Variants in PCDH7 observed in about 807,000 individuals in gnomAD.
PCDH7 encodes protocadherin-7.
A neutral mutation model predicts 58.9 loss-of-function variants in PCDH7; 17 were observed. The ratio of observed to expected loss-of-function variants is 0.29; its 90% CI spans 0.20 to 0.43. PCDH7 has a LOEUF of 0.43. PCDH7 is among the 20% of genes least tolerant of loss of function. PCDH7 has a pLI of 1.00. For missense variants in PCDH7, 1,274 were observed against 1,441.0 expected (o/e 0.88, Z 1.88); for synonymous variants, 664 against 616.4 (o/e 1.08, Z -1.14).
At chr4:30,824,380 G>A (rs1728842938) in intron 1 of PCDH7, among the ~76,000 whole-genome samples, 1 of 151,864 alleles carries the variant, frequency 6.6e-6, no homozygotes, top group African/African-American at 2.4e-5. Context: ...ATATTTCACG[G>A]AGAGATATCA....
chr4:30,997,862 A>G (rs1408068364), intron 3 of PCDH7, among the ~76,000 whole-genome samples: 1 of 152,156 alleles, frequency 6.6e-6, no homozygotes, highest in African/African-American at 2.4e-5. Flanking sequence ...GCAGAAGGAA[A>G]TAATCATAAA....
Position 30,885,574 on chromosome 4 carries a change from C to T in PCDH7, c.71-34579C>T, listed in dbSNP as rs182916586. 1.4e-4 allele frequency among the ~76,000 whole-genome samples: 21 copies of T among 152,132 alleles called. 1 individual carries two copies. Among genetic ancestry groups the T allele is most frequent in the African/African-American group, 5.1e-4 (21 of 41,500 alleles). On this transcript the variant is annotated intron_variant, in intron 1 of 3. Coordinates refer to the PCDH7 transcript ENST00000509759. ...CAGTTTAAAAGCTCTGCAATGCCATCCCCATCAAGCTACCAATGACTTTCT... is the reference window on the plus strand; with the variant it reads ...CAGTTTAAAAGCTCTGCAATGCCATTCCCATCAAGCTACCAATGACTTTCT...
intron 3 of PCDH7, among the ~76,000 whole-genome samples, chr4:31,056,502 AAAGAAAGAAAGAAAGGGGAAG>A (rs1560608831): frequency 1.8e-4 from 24 of 130,644 alleles, no homozygotes; most frequent in East Asian, 8.0e-4. Context: ...AGAAAGAAAG[AAAGAAAGAAAGAAAGGGGAAG>A]GGAAGGGAAG....
chr4:31,071,469 G>T (rs193025614), intron 3 of PCDH7, among the ~76,000 whole-genome samples: 2 of 152,068 alleles, frequency 1.3e-5, no homozygotes, highest in Non-Finnish European at 2.9e-5. Flanking sequence ...ACTGAATAAC[G>T]TTGAACATAT....
chr4:31,054,311 C>A (rs1338602420), intron 3 of PCDH7, among the ~76,000 whole-genome samples: 1 of 152,146 alleles, frequency 6.6e-6, no homozygotes, highest in African/African-American at 2.4e-5. Flanking sequence ...TTCTTGGGAA[C>A]AACATGTGAA....
chr4:30,935,569 A>G (rs1223190309), intron 2 of PCDH7, among the ~76,000 whole-genome samples: 1 of 152,162 alleles, frequency 6.6e-6, no homozygotes, highest in Admixed American at 6.5e-5. Flanking sequence ...ATTTATTGCT[A>G]AGGAATAATA....
intron 3 of PCDH7, among the ~76,000 whole-genome samples, chr4:30,981,079 T>A (rs1750514413): frequency 6.6e-6 from 1 of 152,194 alleles, no homozygotes. Context: ...CCTGACCTTG[T>A]GATCCACCCG....
chr4:31,009,257 T>C (rs1459200591), intron 3 of PCDH7, among the ~76,000 whole-genome samples: 1 of 152,088 alleles, frequency 6.6e-6, no homozygotes, highest in Non-Finnish European at 1.5e-5. Context: ...AGTATTTCTT[T>C]TAGGTTGTTT....
intron 3 of PCDH7, among the ~76,000 whole-genome samples, chr4:31,089,305 G>T (rs550479739): frequency 7.7e-4 from 117 of 152,108 alleles, no homozygotes; most frequent in African/African-American, 2.7e-3. Context: ...AATAGAAAAA[G>T]AATTTGTAAT....
At chr4:30,957,713 T>A (rs1000790450) in intron 3 of PCDH7, among the ~76,000 whole-genome samples, 1 of 152,166 alleles carries the variant, frequency 6.6e-6, no homozygotes, top group Non-Finnish European at 1.5e-5. Context: ...GCATATCGAA[T>A]GTCTTTAAAT....
At chr4:30,923,161 A>G (rs887877103) in intron 2 of PCDH7, among the ~76,000 whole-genome samples, 1 of 152,064 alleles carries the variant, frequency 6.6e-6, no homozygotes, top group Non-Finnish European at 1.5e-5. Flanking sequence ...TACCTCAAAC[A>G]TTTTTCTTGA....
At chr4:30,968,396 A>G (rs1271608524) in intron 3 of PCDH7, among the ~76,000 whole-genome samples, 1 of 61,048 alleles carries the variant, frequency 1.6e-5, no homozygotes, top group Non-Finnish European at 2.8e-5. Flanking sequence ...ATATATATAT[A>G]TATATATATA....
chr4:30,731,242 G>C (rs987879430), exon 2 of PCDH7: 3 of 669,200 alleles, frequency 4.5e-6, no homozygotes, highest in Admixed American at 6.3e-5. Flanking sequence ...GTAATCACAG[G>C]CCTGTCAGAT....
intron 3 of PCDH7, among the ~76,000 whole-genome samples, chr4:30,970,976 GT>G (rs1054669735): frequency 2.7e-4 from 41 of 152,210 alleles, no homozygotes; most frequent in Admixed American, 5.9e-4. Flanking sequence ...AGTTTAGCAA[GT>G]AAAGTCTTAG....
intron 2 of PCDH7, among the ~76,000 whole-genome samples, chr4:30,936,225 A>G: frequency 6.6e-6 from 1 of 152,062 alleles, no homozygotes; most frequent in Non-Finnish European, 1.5e-5. Context: ...GCTTTACAGT[A>G]TCACTCAAAG....
chr4:30,762,993 A>C (rs933542223), intron 1 of PCDH7, among the ~76,000 whole-genome samples: 1 of 152,194 alleles, frequency 6.6e-6, no homozygotes, highest in Non-Finnish European at 1.5e-5. Context: ...CTGCAATACC[A>C]GCACTTTGGG....
At chr4:30,867,375 A>G (rs1735009136) in intron 1 of PCDH7, among the ~76,000 whole-genome samples, 1 of 152,094 alleles carries the variant, frequency 6.6e-6, no homozygotes, top group African/African-American at 2.4e-5. Flanking sequence ...AAGAAAGTAT[A>G]TGTTTTGTGA....
intron 1 of PCDH7, among the ~76,000 whole-genome samples, chr4:30,904,642 C>T (rs888751908): frequency 6.6e-6 from 1 of 152,120 alleles, no homozygotes; most frequent in Non-Finnish European, 1.5e-5. Flanking sequence ...CAATTATTTC[C>T]CTGCAGTCAT....
chr4:31,124,647 C>T (rs901457601), intron 3 of PCDH7, among the ~76,000 whole-genome samples: 10 of 152,050 alleles, frequency 6.6e-5, no homozygotes, highest in East Asian at 3.8e-4. Flanking sequence ...GACCGTACAA[C>T]CAAAATAAAC....
Sources: gnomAD v4.1 joint callset for allele counts (sites outside exome capture counted in the v4.1 genomes callset) on GRCh38, gnomAD v4.1.1 for gene constraint, MANE v1.5 for transcripts, NCBI Gene and HGNC (gene_info 2026-07-23, HGNC 2026-07-21) for gene names.